LGMN: variants seen among roughly 807,000 people sequenced by gnomAD.
The protein encoded by LGMN is asparaginyl endopeptidase.
A neutral mutation model predicts 56.8 loss-of-function variants in LGMN; 36 were observed. The observed-to-expected ratio is 0.63, with a 90% CI of 0.49 to 0.84. The LOEUF (loss-of-function observed/expected upper bound fraction) is 0.84, where lower values mean the gene tolerates loss of function less well. Ranked by LOEUF, LGMN falls within the 40% of genes least tolerant of loss-of-function variation. The pLI is 0.00. For missense variants in LGMN, 446 were observed against 556.1 expected, an observed-to-expected ratio of 0.80 and a Z score of 1.99; for synonymous variants, 199 against 210.1, an observed-to-expected ratio of 0.95 and a Z score of 0.46.
At chr14:92,743,324 A>T in intron 1 of LGMN, among the ~76,000 whole-genome samples, 1 of 151,926 alleles carries the variant, frequency 6.6e-6, no homozygotes, top group Admixed American at 6.6e-5. Context: ...ACACAGTGAA[A>T]CTCCATCTCT....
intron 7 of LGMN, 81 bp from the exon 8 acceptor site, chr14:92,712,952 C>T (rs1341775939): frequency 1.4e-5 from 18 of 1,280,710 alleles, no homozygotes; most frequent in Non-Finnish European, 1.9e-5. Flanking sequence ...TGCCCACTCT[C>T]TCTACCCATT....
chr14:92,705,055 G>A (rs1235110382), intron 12 of LGMN: 4 of 280,652 alleles, frequency 1.4e-5, no homozygotes, highest in Admixed American at 4.0e-5. Flanking sequence ...ACACGCCAGC[G>A]AGGGAGATGG....
At chr14:92,725,417 G>A (rs1890692471) in intron 2 of LGMN, among the ~76,000 whole-genome samples, 1 of 152,090 alleles carries the variant, frequency 6.6e-6, no homozygotes, top group Non-Finnish European at 1.5e-5. Flanking sequence ...TGGGCATGGT[G>A]GCACACCTAT....
chr14:92,705,347 C>T (rs1159135234), intron 12 of LGMN, among the ~76,000 whole-genome samples: 8 of 151,892 alleles, frequency 5.3e-5, no homozygotes, highest in East Asian at 1.9e-4. Context: ...ACTAAAAATA[C>T]GAAAATTAGC....
In LGMN at chr14:92,717,455, G is replaced by C. The variant is rs1459221262; in HGVS notation, c.243C>G (p.Pro81=). The C allele has an allele frequency of 6.2e-7, 1 of 1,612,188 alleles. No homozygotes were observed. Residue 81 remains proline (P), a synonymous_variant, in exon 4 of 14, where the codon CCC becomes CCG. Transcript: ENST00000334869. ...GCCTGTTGATCACAATTCCTGGAGT[G>C]GGATTGCTGAAAATTAAAGGACACA... ...YDDIAYSEDN[P]TPGIVINRPN...
chr14:92,745,808 A>C (rs982154761), intron 1 of LGMN, among the ~76,000 whole-genome samples: 2 of 151,850 alleles, frequency 1.3e-5, no homozygotes, highest in South Asian at 4.2e-4. Context: ...TGCAACCCAT[A>C]GTGAAGGAGA....
chr14:92,730,163 G>T (rs1451186668), intron 2 of LGMN, among the ~76,000 whole-genome samples: 1 of 152,156 alleles, frequency 6.6e-6, no homozygotes, highest in Non-Finnish European at 1.5e-5. Flanking sequence ...GAGGTTAGAG[G>T]GGGAGAAGAA....
intron 1 of LGMN, among the ~76,000 whole-genome samples, chr14:92,742,053 T>C (rs1306107672): frequency 6.6e-6 from 1 of 152,096 alleles, no homozygotes; most frequent in Non-Finnish European, 1.5e-5. Flanking sequence ...ACCCTCGATA[T>C]CTAATGAAGT....
intron 11 of LGMN, 79 bp from the exon 12 acceptor site, chr14:92,706,732 T>C: frequency 7.6e-7 from 1 of 1,322,310 alleles, no homozygotes. Flanking sequence ...GAGAAGTGCA[T>C]TCAAAGGCTA....
At chr14:92,727,429 C>CAAAAAAAA (rs35889328) in intron 2 of LGMN, among the ~76,000 whole-genome samples, 1 of 47,990 alleles carries the variant, frequency 2.1e-5, no homozygotes, top group African/African-American at 8.4e-5. Flanking sequence ...GACTGCCTCA[C>CAAAAAAAA]AAAAAAAAAA....
intron 1 of LGMN, among the ~76,000 whole-genome samples, chr14:92,738,893 C>G (rs777304741): frequency 6.6e-5 from 10 of 151,698 alleles, no homozygotes; most frequent in Non-Finnish European, 1.5e-4. Flanking sequence ...GTGGTATGTA[C>G]CTGTAGTCCC....
chr14:92,724,393 T>C (rs554561786), intron 2 of LGMN, among the ~76,000 whole-genome samples: 1 of 152,344 alleles, frequency 6.6e-6, no homozygotes, highest in East Asian at 1.9e-4. Flanking sequence ...GACTCTCTTC[T>C]GGGCCTTGGA....
intron 2 of LGMN, among the ~76,000 whole-genome samples, chr14:92,727,258 C>A (rs557453546): frequency 6.6e-6 from 1 of 151,708 alleles, no homozygotes; most frequent in Non-Finnish European, 1.5e-5. Flanking sequence ...GGCAAAACCC[C>A]GTCTCTACTA....
intron 2 of LGMN, among the ~76,000 whole-genome samples, chr14:92,727,625 C>T (rs903164879): frequency 2.0e-5 from 3 of 152,202 alleles, no homozygotes; most frequent in East Asian, 1.9e-4. Context: ...ATGCTCTTCC[C>T]TCCACGCGGA....
chr14:92,707,930 T>A (rs1889527971), intron 11 of LGMN, among the ~76,000 whole-genome samples: 1 of 152,112 alleles, frequency 6.6e-6, no homozygotes. Context: ...TGCAGGTGGA[T>A]CACTTGAGGC....
In LGMN at chr14:92,728,480, T is replaced by A. The variant is rs1595552849; in HGVS notation, c.138+4169A>T. On this transcript the variant is annotated intron_variant, in intron 2 of 13. Coordinates refer to ENST00000334869, the MANE Select transcript of LGMN (RefSeq NM_005606.7). ...GAACACAATGGCAAGTATTTGTGTA[T>A]CTAAACATAGGAAAAGTACAGTAAA... is the stretch of plus-strand genomic sequence containing the variant. Among the ~76,000 whole-genome samples the A allele has an allele frequency of 2.6e-5, 4 of 152,208 alleles. No individual in the cohort carries two copies. The East Asian group carries it at 5.8e-4, about 22-fold the overall frequency.
At chr14:92,745,322 T>C (rs974895486) in intron 1 of LGMN, among the ~76,000 whole-genome samples, 2 of 152,242 alleles carry the variant, frequency 1.3e-5, no homozygotes, top group South Asian at 4.1e-4. Context: ...TATAGCTACA[T>C]GTTAACTCAA....
At chr14:92,726,562 T>C (rs1890751950) in intron 2 of LGMN, among the ~76,000 whole-genome samples, 1 of 152,184 alleles carries the variant, frequency 6.6e-6, no homozygotes, top group South Asian at 2.1e-4. Flanking sequence ...GTTCTTGTCA[T>C]TGGTGACATG....
chr14:92,709,899 C>A lies in LGMN; in HGVS notation c.820-27G>T, dbSNP rs78617411. 49 of 1,542,750 alleles carry A rather than the reference C, an allele frequency of 3.2e-5. No individual in the cohort carries two copies. In the Admixed American group the frequency reaches 5.9e-4, roughly 19 times the overall value. On this transcript the variant is annotated intron_variant, in intron 10 of 13. Coordinates refer to ENST00000334869, the MANE Select transcript of LGMN (RefSeq NM_005606.7). ...TGGGGAGACAGACAGCAAGAGAGAG[C>A]GAGAGAGAAAGCGAGAGAGAGTGAG...
Sources: gnomAD v4.1 joint callset for allele counts (sites outside exome capture counted in the v4.1 genomes callset) on GRCh38, gnomAD v4.1.1 for gene constraint, MANE v1.5 for transcripts, NCBI Gene and HGNC (gene_info 2026-07-23, HGNC 2026-07-21) for gene names.